Variants in METTL4 observed in about 807,000 individuals in gnomAD.
The protein encoded by METTL4 is N(6)-adenine-specific methyltransferase METTL4.
METTL4 carries 40 observed loss-of-function variants against 54.0 expected under a neutral mutation model. The observed-to-expected ratio is 0.74, with a 90% CI of 0.58 to 0.96. The LOEUF is 0.96. Among genes scored for constraint, METTL4 ranks in the 50% least tolerant of loss-of-function variants. METTL4 has a pLI of 0.00. For missense variants in METTL4, 525 were observed against 549.0 expected, an observed-to-expected ratio of 0.96 and a Z score of 0.44; for synonymous variants, 169 against 183.8, an observed-to-expected ratio of 0.92 and a Z score of 0.65.
At position 2,541,091 on chromosome 18, in the gene METTL4, C is replaced by CA. The variant is rs1403629221; in HGVS notation, c.1274-1947dup. ...ATTTTCTCAATGTAGTAAGTTTTTG[C>CA]ATGGTTCTTTTCCTTTCTAGTTAAG... On this transcript the variant is annotated intron_variant, in intron 8 of 8. Coordinates refer to ENST00000574538, the MANE Select transcript of METTL4 (RefSeq NM_022840.5). Among the ~76,000 whole-genome samples the CA allele has an allele frequency of 2.0e-5, 3 of 152,224 alleles. No individual in the cohort carries two copies. In the East Asian group the frequency reaches 5.8e-4, roughly 29 times the overall value.
intron 3 of METTL4, among the ~76,000 whole-genome samples, chr18:2,556,110 C>A (rs1356789779): frequency 6.6e-6 from 1 of 151,808 alleles, no homozygotes; most frequent in South Asian, 2.1e-4. Flanking sequence ...AGCCGAGTCA[C>A]GATCAACACA....
At chr18:2,552,668 A>G in intron 5 of METTL4, 27 bp downstream of exon 5, 5 of 1,544,140 alleles carry the variant, frequency 3.2e-6, no homozygotes, top group Non-Finnish European at 4.5e-6. Context: ...GTTTTTTTAG[A>G]AAGCAAATGC....
intron 5 of METTL4, among the ~76,000 whole-genome samples, chr18:2,548,934 G>GA (rs1280284313): frequency 6.6e-6 from 1 of 152,138 alleles, no homozygotes; most frequent in Non-Finnish European, 1.5e-5. Flanking sequence ...AAATGCGGAA[G>GA]AACTGGGTAT....
At chr18:2,549,282 T>G (rs1391586354) in intron 5 of METTL4, among the ~76,000 whole-genome samples, 3 of 152,194 alleles carry the variant, frequency 2.0e-5, no homozygotes, top group Admixed American at 6.5e-5. Context: ...TATCCCCTCC[T>G]TCTCTATTTT....
Position 2,544,236 on chromosome 18 carries a change from C to A in METTL4, c.1232G>T (p.Ser411Ile), listed in dbSNP as rs770206309. The change falls in exon 8 of 9, where the codon AGC (serine) becomes ATC (isoleucine). Residue 411 changes from serine (S) to isoleucine (I), a missense_variant. Coordinates refer to ENST00000574538, the MANE Select transcript of METTL4 (RefSeq NM_022840.5). ...LPIPDHKLIVSVPCTLHSHKP... is the reference protein window; with the variant it reads ...LPIPDHKLIVIVPCTLHSHKP... ...ATGTGAGTGAAGAGTACAGGGCACG[C>A]TGACAATTAATTTGTGGTCTGGAAT... 3 of 1,613,564 alleles carry A rather than the reference C, an allele frequency of 1.9e-6. No homozygotes were observed. The South Asian group carries it at 3.3e-5, about 18-fold the overall frequency.
intron 5 of METTL4, among the ~76,000 whole-genome samples, chr18:2,549,107 C>T (rs2072114486): frequency 6.6e-6 from 1 of 152,152 alleles, no homozygotes. Context: ...TAAAGGCCGC[C>T]AACCTCCCTC....
At chr18:2,566,025 T>TGACA (rs1453695305) in intron 2 of METTL4, among the ~76,000 whole-genome samples, 20 of 144,528 alleles carry the variant, frequency 1.4e-4, no homozygotes, top group Non-Finnish European at 2.9e-4. Flanking sequence ...CCAGCTTGGG[T>TGACA]GACAGAGCAA....
At chr18:2,542,762 A>C (rs2072012001) in intron 8 of METTL4, among the ~76,000 whole-genome samples, 1 of 152,190 alleles carries the variant, frequency 6.6e-6, no homozygotes, top group South Asian at 2.1e-4. Flanking sequence ...ATTCACTGAG[A>C]ATCCTTCTTA....
intron 5 of METTL4, among the ~76,000 whole-genome samples, chr18:2,551,163 C>CAAAA (rs752257490): frequency 1.4e-4 from 7 of 49,208 alleles, no homozygotes; most frequent in Non-Finnish European, 2.2e-4. Flanking sequence ...GACTCCGTCT[C>CAAAA]AAAAAAAAAA....
chr18:2,567,748 G>A (rs2072442841), intron 1 of METTL4, 94 bp from the exon 2 acceptor site: 1 of 152,408 alleles, frequency 6.6e-6, no homozygotes, highest in South Asian at 2.1e-4. Context: ...TTCAGAAGGT[G>A]CTGTTAGCAG....
chr18:2,544,951 T>G (rs1023369247), intron 6 of METTL4, among the ~76,000 whole-genome samples, 192 bp from the exon 7 acceptor site: 30 of 152,228 alleles, frequency 2.0e-4, no homozygotes, highest in African/African-American at 6.3e-4. Flanking sequence ...TGAAATCAAT[T>G]TTAATTATAT....
At position 2,547,616 on chromosome 18, in the gene METTL4, C is replaced by T. The variant is rs571913180; in HGVS notation, c.900-87G>A. The T allele has an allele frequency of 6.3e-4, 613 of 976,166 alleles. 8 individuals are homozygous for T. The South Asian group carries it at 0.011, about 18-fold the overall frequency. 60.5% of individuals were successfully genotyped at this position (976,166 alleles called of 1,614,324 possible). A position where few individuals can be genotyped will look rare whatever the true frequency, so the allele number is the denominator to read the frequency against. On this transcript the variant is annotated intron_variant, in intron 5 of 8. Coordinates refer to ENST00000574538, the MANE Select transcript of METTL4 (RefSeq NM_022840.5). ...GATAAGACATGCATAACACAGACTCCACAAATGCAAAGCTCTTACTGCTAT... is the reference window on the plus strand; with the variant it reads ...GATAAGACATGCATAACACAGACTCTACAAATGCAAAGCTCTTACTGCTAT...
intron 8 of METTL4, among the ~76,000 whole-genome samples, chr18:2,539,547 T>A (rs1161142671): frequency 6.6e-6 from 1 of 151,108 alleles, no homozygotes; most frequent in Non-Finnish European, 1.5e-5. Flanking sequence ...AATGGTGCAA[T>A]CTCGGCTCAC....
At position 2,538,001 on chromosome 18, in the gene METTL4, G is replaced by C; in HGVS notation, c.*999C>G. ...TGATCACTGTGGCAGACAGACAACTGTATATATGTTTTCAAAATTCACTGA... is the reference window on the plus strand; with the variant it reads ...TGATCACTGTGGCAGACAGACAACTCTATATATGTTTTCAAAATTCACTGA... On this transcript the variant is annotated 3_prime_UTR_variant, in exon 9 of 9. Coordinates refer to ENST00000574538, the MANE Select transcript of METTL4 (RefSeq NM_022840.5). 3 of 398,354 alleles carry C rather than the reference G, an allele frequency of 7.5e-6. No individual in the cohort carries two copies. The highest frequency in any genetic ancestry group is 8.8e-5 in the Admixed American group (2 of 22,720). 24.7% of individuals were successfully genotyped at this position (398,354 alleles called of 1,614,324 possible).
Position 2,544,288 on chromosome 18 carries a change from T to C in METTL4, c.1182-2A>G, listed in dbSNP as rs2072037580. On this transcript the variant is annotated splice_acceptor_variant, in intron 7 of 8. Coordinates refer to ENST00000574538, the MANE Select transcript of METTL4 (RefSeq NM_022840.5). LOFTEE classifies it high-confidence loss of function. ...GGGAGCACGTTTACATCTGCATTCC[T>C]AATTAAACAGAACAAGAAAGTAAAC... 3 of 1,604,486 alleles carry C rather than the reference T, an allele frequency of 1.9e-6. No homozygotes were observed. Among genetic ancestry groups the C allele is most frequent in the Non-Finnish European group, 2.6e-6 (3 of 1,173,454 alleles).
chr18:2,567,056 G>A lies in METTL4; in HGVS notation c.161C>T (p.Ser54Phe), dbSNP rs777324699. The change falls in exon 2 of 9, where the codon TCC becomes TTC. Residue 54 changes from serine (S) to phenylalanine (F), a missense_variant. By Grantham distance (155) the Ser-to-Phe change is radical. Coordinates refer to ENST00000574538, the MANE Select transcript of METTL4 (RefSeq NM_022840.5). ...HFESLQMDSVSSSGVCAAFIA... is the reference protein window; with the variant it reads ...HFESLQMDSVFSSGVCAAFIA... ...AAATGCAGCACAGACTCCAGAGGAG[G>A]ACACAGAATCCATTTGAAGAGACTC... is the stretch of plus-strand genomic sequence containing the variant. The A allele has an allele frequency of 6.2e-7, 1 of 1,614,156 alleles. No homozygotes were observed. Among genetic ancestry groups the A allele is most frequent in the South Asian group, 1.1e-5 (1 of 91,070 alleles).
Position 2,554,708 on chromosome 18 carries a change from G to A in METTL4, c.790C>T (p.Leu264Phe). 1 of 1,609,422 alleles carries A rather than the reference G, an allele frequency of 6.2e-7. No individual in the cohort carries two copies. Among genetic ancestry groups the A allele is most frequent in the Non-Finnish European group, 8.5e-7 (1 of 1,178,802 alleles). Residue 264 changes from leucine to phenylalanine, a missense_variant, in exon 4 of 9, where the codon CTT (leucine) becomes TTT (phenylalanine). Physicochemically the swap from Leu to Phe is conservative, Grantham distance 22. Transcript: ENST00000574538. ...TGCATACAAGAAATGTCAGATAAAA[G>A]AAAACTGCTTTTCGGTGGTAGCAGG... ...KYLLPPKSSFLLSDISCMQPL... is the reference protein window; with the variant it reads ...KYLLPPKSSFFLSDISCMQPL...
At chr18:2,566,082 T>TAAATAAAA (rs1273890372) in intron 2 of METTL4, among the ~76,000 whole-genome samples, 13 of 148,168 alleles carry the variant, frequency 8.8e-5, no homozygotes, top group Middle Eastern at 3.5e-3. Context: ...AATAAATAAA[T>TAAATAAAA]AAATAAATAA....
In METTL4 at chr18:2,563,785, T is replaced by C. The variant is rs772876036; in HGVS notation, c.459+12A>G. 4 of 1,581,986 alleles carry C rather than the reference T, an allele frequency of 2.5e-6. No homozygotes were observed. Among genetic ancestry groups the C allele is most frequent in the East Asian group, 2.3e-5 (1 of 44,012 alleles). The stretch of plus-strand genomic sequence containing the variant: ...AATCTTCCAATGTGATCAATGAACA[T>C]TTTACACTTACCTTTGTATGGTATT... On this transcript the variant is annotated intron_variant, in intron 3 of 8. Transcript: ENST00000574538.
Sources: gnomAD v4.1 joint callset for allele counts (sites outside exome capture counted in the v4.1 genomes callset) on GRCh38, gnomAD v4.1.1 for gene constraint, MANE v1.5 for transcripts, NCBI Gene and HGNC (gene_info 2026-07-23, HGNC 2026-07-21) for gene names.